The following LYPD6 variants were observed in gnomAD, a reference collection of about 807,000 sequenced individuals.
The protein encoded by LYPD6 is LY6/PLAUR domain containing 6, also known as ly6/PLAUR domain-containing protein 6.
In LYPD6, 15 loss-of-function variants were observed where a neutral mutation model predicts 22.7. That is an observed-to-expected ratio of 0.66 (90% CI 0.44 to 1.02). The LOEUF (loss-of-function observed/expected upper bound fraction) is 1.02. Ranked by LOEUF, LYPD6 falls within the 50% of genes least tolerant of loss-of-function variation. The probability of loss-of-function intolerance (pLI) is 0.00; values close to 1 mark genes in which losing one functional copy is unlikely to be tolerated. For missense variants in LYPD6, 189 were observed against 208.4 expected (o/e 0.91, Z 0.57); for synonymous variants, 72 against 77.5 (o/e 0.93, Z 0.37).
In LYPD6 at chr2:149,398,596, T is replaced by C. The variant is rs148095507; in HGVS notation, c.-71-39042T>C. On this transcript the variant is annotated intron_variant, in intron 1 of 4. Transcript: ENST00000334166. ...GAAGGGATGGGGGTAGCAGAGAAGC[T>C]TTCCTGGAGACCTCCACAAAGGACA... Among the ~76,000 whole-genome samples, 178 of 152,198 alleles carry C rather than the reference T, an allele frequency of 1.2e-3. 1 individual carries two copies. Among genetic ancestry groups the C allele is most frequent in the African/African-American group, 3.7e-3 (155 of 41,524 alleles).
At chr2:149,466,795 C>T (rs1222803611) in intron 3 of LYPD6, among the ~76,000 whole-genome samples, 3 of 151,636 alleles carry the variant, frequency 2.0e-5, no homozygotes, top group Non-Finnish European at 4.4e-5. Flanking sequence ...CTTATCTGCT[C>T]GGATTTACAT....
downstream of LYPD6, among the ~76,000 whole-genome samples, chr2:149,478,878 C>T (rs1337963165): frequency 6.6e-6 from 1 of 152,106 alleles, no homozygotes; most frequent in Non-Finnish European, 1.5e-5. Flanking sequence ...ATCTGTCCCA[C>T]CCACATTCAC....
intron 2 of LYPD6, among the ~76,000 whole-genome samples, chr2:149,446,676 G>A (rs371691844): frequency 6.6e-6 from 1 of 152,062 alleles, no homozygotes; most frequent in Admixed American, 6.5e-5. Flanking sequence ...CTATCATTCT[G>A]TTTATGAATT....
chr2:149,400,432 A>T (rs1682527896), intron 1 of LYPD6, among the ~76,000 whole-genome samples: 1 of 152,170 alleles, frequency 6.6e-6, no homozygotes, highest in Non-Finnish European at 1.5e-5. Context: ...TGTGTGTGTG[A>T]GTGAATGCCG....
chr2:149,336,526 T>G (rs918221470), intron 1 of LYPD6, among the ~76,000 whole-genome samples: 1 of 152,208 alleles, frequency 6.6e-6, no homozygotes, highest in African/African-American at 2.4e-5. Flanking sequence ...AGAAAAAGTG[T>G]AGGTTATAAA....
intron 3 of LYPD6, 128 bp from the exon 4 acceptor site, chr2:149,468,511 TAAACTC>T: frequency 1.0e-6 from 1 of 982,172 alleles, no homozygotes; most frequent in Non-Finnish European, 1.5e-6. Context: ...GGGTTGGACA[TAAACTC>T]AAAGCAGTGC....
At chr2:149,394,725 T>C (rs1435493931) in intron 1 of LYPD6, among the ~76,000 whole-genome samples, 1 of 152,190 alleles carries the variant, frequency 6.6e-6, no homozygotes, top group Non-Finnish European at 1.5e-5. Flanking sequence ...TTTGTACTTA[T>C]TGTACATAGC....
intron 1 of LYPD6, among the ~76,000 whole-genome samples, chr2:149,376,707 A>T (rs578247818): frequency 6.6e-6 from 1 of 152,208 alleles, no homozygotes; most frequent in African/African-American, 2.4e-5. Flanking sequence ...CTGTCTTTAT[A>T]TACAATTTCT....
At chr2:149,457,762 G>C (rs1473954095) in intron 3 of LYPD6, among the ~76,000 whole-genome samples, 2 of 152,120 alleles carry the variant, frequency 1.3e-5, no homozygotes, top group East Asian at 3.9e-4. Context: ...TGCTAAGTAT[G>C]ACAAAAAATT....
intron 3 of LYPD6, 57 bp downstream of exon 3, chr2:149,449,204 T>G: frequency 8.4e-7 from 1 of 1,197,148 alleles, no homozygotes; most frequent in Non-Finnish European, 1.2e-6. Context: ...TGAACAGCCC[T>G]TTTGACTTTG....
At chr2:149,416,205 T>A (rs866347287) in intron 1 of LYPD6, among the ~76,000 whole-genome samples, 13 of 152,310 alleles carry the variant, frequency 8.5e-5, no homozygotes, top group South Asian at 8.3e-4. Context: ...TGGGTACTCA[T>A]CTTCTCCTTC....
intron 1 of LYPD6, among the ~76,000 whole-genome samples, chr2:149,436,415 C>A (rs1202126943): frequency 6.6e-6 from 1 of 152,088 alleles, no homozygotes; most frequent in Non-Finnish European, 1.5e-5. Flanking sequence ...GAGAATAGCA[C>A]CTATATAAAA....
chr2:149,336,195 C>T (rs1681031608), intron 1 of LYPD6, among the ~76,000 whole-genome samples: 1 of 152,120 alleles, frequency 6.6e-6, no homozygotes, highest in African/African-American at 2.4e-5. Context: ...ATAGCCTCTT[C>T]CAGGAAGTAG....
intron 3 of LYPD6, among the ~76,000 whole-genome samples, chr2:149,465,120 A>G (rs907404018): frequency 5.9e-5 from 9 of 152,220 alleles, no homozygotes; most frequent in Non-Finnish European, 2.9e-5. Context: ...AGGACAGAAC[A>G]TGGGAGAATA....
intron 1 of LYPD6, among the ~76,000 whole-genome samples, chr2:149,358,917 AAC>A (rs1319939746): frequency 2.0e-5 from 3 of 152,148 alleles, no homozygotes; most frequent in African/African-American, 7.2e-5. Flanking sequence ...GGGCAGTGGA[AAC>A]CACTGAGTTT....
chr2:149,445,913 A>G (rs1412110273), intron 2 of LYPD6, among the ~76,000 whole-genome samples: 1 of 152,196 alleles, frequency 6.6e-6, no homozygotes, highest in Non-Finnish European at 1.5e-5. Flanking sequence ...CTCTCAGCCT[A>G]TCTCAGCTTT....
chr2:149,418,664 A>G (rs1220792922), intron 1 of LYPD6, among the ~76,000 whole-genome samples: 1 of 152,248 alleles, frequency 6.6e-6, no homozygotes, highest in Non-Finnish European at 1.5e-5. Flanking sequence ...AGAAGCTAGC[A>G]GATTCAGAGA....
chr2:149,452,858 T>C (rs1680867219), intron 3 of LYPD6, among the ~76,000 whole-genome samples: 1 of 152,202 alleles, frequency 6.6e-6, no homozygotes, highest in African/African-American at 2.4e-5. Flanking sequence ...GAATCACTCT[T>C]TTGGCAGTGG....
chr2:149,358,717 T>G (rs1681515039), intron 1 of LYPD6, among the ~76,000 whole-genome samples: 1 of 152,142 alleles, frequency 6.6e-6, no homozygotes, highest in Non-Finnish European at 1.5e-5. Flanking sequence ...ATTCTAGATA[T>G]TAGTAGTTTT....
Sources: gnomAD v4.1 joint callset for allele counts (sites outside exome capture counted in the v4.1 genomes callset) on GRCh38, gnomAD v4.1.1 for gene constraint, MANE v1.5 for transcripts, NCBI Gene and HGNC (gene_info 2026-07-23, HGNC 2026-07-21) for gene names.